SLC4A10: variants seen among roughly 807,000 people sequenced by gnomAD.
SLC4A10 encodes the protein sodium-driven chloride bicarbonate exchanger.
In SLC4A10, 42 loss-of-function variants were observed where a neutral mutation model predicts 137.7. That is an observed-to-expected ratio of 0.30 (90% CI 0.24 to 0.39). The LOEUF (loss-of-function observed/expected upper bound fraction) is 0.39. Among genes scored for constraint, SLC4A10 ranks in the 10% least tolerant of loss-of-function variants. The pLI is 1.00. For missense variants in SLC4A10, 925 were observed against 1,355.0 expected (o/e 0.68, Z 4.98); for synonymous variants, 474 against 464.1 (o/e 1.02, Z -0.27).
chr2:161,821,631 TAAC>T (rs1251284418), intron 3 of SLC4A10, among the ~76,000 whole-genome samples: 2 of 152,274 alleles, frequency 1.3e-5, no homozygotes, highest in African/African-American at 4.8e-5. Flanking sequence ...CTAATAAAAA[TAAC>T]AATTTTTAAC....
At chr2:161,824,891 C>A (rs2125707282) in intron 3 of SLC4A10, among the ~76,000 whole-genome samples, 1 of 152,212 alleles carries the variant, frequency 6.6e-6, no homozygotes, top group Admixed American at 6.5e-5. Context: ...CCCCTTCTAC[C>A]TTTTCTGCCT....
chr2:161,849,872 T>C (rs1227350802), intron 4 of SLC4A10, among the ~76,000 whole-genome samples: 1 of 152,082 alleles, frequency 6.6e-6, no homozygotes, highest in African/African-American at 2.4e-5. Context: ...TTGTTGTGAA[T>C]CTGCCTGGTT....
intron 15 of SLC4A10, among the ~76,000 whole-genome samples, 187 bp from the exon 16 acceptor site, chr2:161,942,605 T>C (rs1484408579): frequency 2.6e-5 from 4 of 152,118 alleles, no homozygotes; most frequent in Admixed American, 2.6e-4. Flanking sequence ...TAGTCTAGTA[T>C]CCTAACAGTC....
chr2:161,948,350 A>G (rs897089338), intron 17 of SLC4A10, among the ~76,000 whole-genome samples: 2 of 152,172 alleles, frequency 1.3e-5, no homozygotes, highest in East Asian at 3.8e-4. Flanking sequence ...CTCTGGAAAA[A>G]TATTTCAAGA....
chr2:161,730,284 G>A (rs2046682523), intron 1 of SLC4A10, among the ~76,000 whole-genome samples: 1 of 152,116 alleles, frequency 6.6e-6, no homozygotes, highest in Non-Finnish European at 1.5e-5. Flanking sequence ...TCATCAAACA[G>A]AGGAAGGACT....
intron 1 of SLC4A10, among the ~76,000 whole-genome samples, chr2:161,650,799 G>A (rs1404017475): frequency 6.6e-6 from 1 of 151,966 alleles, no homozygotes; most frequent in African/African-American, 2.4e-5. Context: ...GAGCATGGGA[G>A]GGAGGCTGAG....
chr2:161,675,988 T>C (rs995633062), intron 1 of SLC4A10, among the ~76,000 whole-genome samples: 3 of 152,214 alleles, frequency 2.0e-5, no homozygotes, highest in African/African-American at 7.2e-5. Context: ...TTCTGTTTTT[T>C]AGTCAGCGGG....
At chr2:161,642,410 T>C (rs1200228513) in intron 1 of SLC4A10, among the ~76,000 whole-genome samples, 2 of 151,976 alleles carry the variant, frequency 1.3e-5, no homozygotes, top group African/African-American at 4.8e-5. Context: ...GAATCTCAGA[T>C]GGTTCCATAA....
intron 1 of SLC4A10, among the ~76,000 whole-genome samples, chr2:161,763,705 T>C (rs909077851): frequency 3.3e-5 from 5 of 152,146 alleles, no homozygotes; most frequent in Non-Finnish European, 7.4e-5. Context: ...GGTCCAACCC[T>C]CTGGCATGGT....
At chr2:161,785,485 A>AG (rs1222899102) in intron 2 of SLC4A10, among the ~76,000 whole-genome samples, 1 of 151,810 alleles carries the variant, frequency 6.6e-6, no homozygotes, top group African/African-American at 2.4e-5. Flanking sequence ...AAAACTACCT[A>AG]GCAAGCTGAA....
intron 3 of SLC4A10, among the ~76,000 whole-genome samples, chr2:161,805,126 G>A (rs1259999238): frequency 1.3e-5 from 2 of 152,112 alleles, no homozygotes; most frequent in Non-Finnish European, 2.9e-5. Flanking sequence ...GTCTTACATG[G>A]GTGGCAGCAG....
intron 3 of SLC4A10, among the ~76,000 whole-genome samples, chr2:161,823,033 C>A (rs2057753907): frequency 6.6e-6 from 1 of 151,862 alleles, no homozygotes; most frequent in African/African-American, 2.4e-5. Flanking sequence ...TTTGAAAAAA[C>A]TCACAGATAA....
chr2:161,747,164 C>T (rs1386180769), intron 1 of SLC4A10, among the ~76,000 whole-genome samples: 2 of 152,108 alleles, frequency 1.3e-5, no homozygotes, highest in African/African-American at 4.8e-5. Context: ...CCTAGACTGC[C>T]TTTCCAGTTT....
intron 1 of SLC4A10, among the ~76,000 whole-genome samples, chr2:161,743,111 T>G (rs1047641048): frequency 1.3e-5 from 2 of 152,212 alleles, no homozygotes; most frequent in Admixed American, 6.5e-5. Flanking sequence ...TACAGAAGCT[T>G]TTTAACTTGA....
chr2:161,837,761 G>A (rs1356643468), intron 3 of SLC4A10, among the ~76,000 whole-genome samples: 2 of 152,084 alleles, frequency 1.3e-5, no homozygotes, highest in Non-Finnish European at 2.9e-5. Flanking sequence ...TGAACTAAAT[G>A]TTTGTGTTCC....
chr2:161,727,606 A>G (rs2046369346), intron 1 of SLC4A10, among the ~76,000 whole-genome samples: 1 of 152,208 alleles, frequency 6.6e-6, no homozygotes, highest in African/African-American at 2.4e-5. Flanking sequence ...GCTATTACAC[A>G]GGAACATTGA....
At chr2:161,750,911 A>G (rs538323795) in intron 1 of SLC4A10, among the ~76,000 whole-genome samples, 1 of 151,808 alleles carries the variant, frequency 6.6e-6, no homozygotes, top group East Asian at 1.9e-4. Context: ...GGGTCTATAT[A>G]TATTTATAAT....
intron 4 of SLC4A10, among the ~76,000 whole-genome samples, chr2:161,853,142 T>C (rs1029266051): frequency 6.6e-6 from 1 of 152,190 alleles, no homozygotes; most frequent in Non-Finnish European, 1.5e-5. Flanking sequence ...AGGATTTTTA[T>C]GCTGATATGA....
intron 23 of SLC4A10, among the ~76,000 whole-genome samples, chr2:161,968,049 C>T (rs1006899353): frequency 4.6e-5 from 7 of 150,722 alleles, no homozygotes; most frequent in Non-Finnish European, 8.8e-5. Flanking sequence ...ATACTCATAC[C>T]GTGAAACATT....
Sources: gnomAD v4.1 joint callset for allele counts (sites outside exome capture counted in the v4.1 genomes callset) on GRCh38, gnomAD v4.1.1 for gene constraint, MANE v1.5 for transcripts, NCBI Gene and HGNC (gene_info 2026-07-23, HGNC 2026-07-21) for gene names.